GPC5: variants seen among roughly 807,000 people sequenced by gnomAD.
GPC5 encodes glypican-5.
A neutral mutation model predicts 53.9 loss-of-function variants in GPC5; 47 were observed. The ratio of observed to expected loss-of-function variants is 0.87; its 90% CI spans 0.69 to 1.11. The LOEUF (loss-of-function observed/expected upper bound fraction) is 1.11, where lower values mean the gene tolerates loss of function less well. Among genes scored for constraint, GPC5 ranks in the 50% most tolerant of loss-of-function variants. The pLI is 0.00. For synonymous variants in GPC5, 286 were observed against 263.3 expected (o/e 1.09, Z -0.84); for missense variants, 748 against 713.1 (o/e 1.05, Z -0.56).
chr13:91,607,125 C>T (rs2033395134), intron 2 of GPC5, among the ~76,000 whole-genome samples: 1 of 152,062 alleles, frequency 6.6e-6, no homozygotes, highest in Non-Finnish European at 1.5e-5. Flanking sequence ...GTTAAACCTT[C>T]TGAGGAAATA....
In GPC5 at chr13:91,571,354, AG is replaced by A. The variant is rs541779732; in HGVS notation, c.326-121829del. On this transcript the variant is annotated intron_variant, in intron 2 of 7. Coordinates refer to ENST00000377067, the MANE Select transcript of GPC5 (RefSeq NM_004466.6). Reference sequence around the variant, plus strand: ...TTTGTCCACTTGCTGAGAAATGGGAAGGGGAAAAGATCTGGTCATTAACAGA... The same window carrying A: ...TTTGTCCACTTGCTGAGAAATGGGAAGGGAAAAGATCTGGTCATTAACAGA... 1.2e-4 allele frequency among the ~76,000 whole-genome samples: 19 copies of A among 152,232 alleles called. No individual in the cohort carries two copies. The South Asian group carries it at 3.9e-3, about 32-fold the overall frequency.
At chr13:91,495,825 C>A (rs992751725) in intron 2 of GPC5, among the ~76,000 whole-genome samples, 6 of 152,140 alleles carry the variant, frequency 3.9e-5, no homozygotes, top group African/African-American at 9.7e-5. Flanking sequence ...GAGTTAGAGA[C>A]CAGCCTGACT....
chr13:92,243,876 G>A (rs978373034), intron 7 of GPC5, among the ~76,000 whole-genome samples: 3 of 152,092 alleles, frequency 2.0e-5, no homozygotes, highest in African/African-American at 7.2e-5. Context: ...ACCCTTTTTG[G>A]TACCTAAAAT....
chr13:92,633,285 G>C (rs549073253), intron 7 of GPC5, among the ~76,000 whole-genome samples: 1 of 152,180 alleles, frequency 6.6e-6, no homozygotes, highest in East Asian at 1.9e-4. Context: ...GATGGGTTTT[G>C]GGTGGAGACA....
At chr13:92,815,976 G>A (rs1212276554) in intron 7 of GPC5, among the ~76,000 whole-genome samples, 1 of 151,834 alleles carries the variant, frequency 6.6e-6, no homozygotes, top group East Asian at 1.9e-4. Context: ...TGAATAAACG[G>A]TGGGAAATAA....
At chr13:91,400,948 C>G (rs370567743) in intron 1 of GPC5, among the ~76,000 whole-genome samples, 3 of 152,130 alleles carry the variant, frequency 2.0e-5, no homozygotes, top group East Asian at 1.9e-4. Context: ...AGTTCCATGA[C>G]GACAAGGAAT....
intron 7 of GPC5, among the ~76,000 whole-genome samples, chr13:92,564,808 G>A (rs1481310963): frequency 6.6e-6 from 1 of 152,028 alleles, no homozygotes; most frequent in African/African-American, 2.4e-5. Context: ...AATTTGCTTA[G>A]GATAATGGCC....
chr13:91,420,738 G>A (rs1257588063), intron 1 of GPC5, among the ~76,000 whole-genome samples: 1 of 152,186 alleles, frequency 6.6e-6, no homozygotes, highest in Admixed American at 6.5e-5. Flanking sequence ...ATGCTATAGA[G>A]ATAGTGAGTG....
At chr13:92,527,432 A>G (rs1358768532) in intron 7 of GPC5, among the ~76,000 whole-genome samples, 1 of 152,102 alleles carries the variant, frequency 6.6e-6, no homozygotes, top group Non-Finnish European at 1.5e-5. Context: ...AAAACTGTCA[A>G]TCATGTTGGA....
chr13:92,787,667 CAAA>C (rs71202562), intron 7 of GPC5, among the ~76,000 whole-genome samples: 1 of 56,264 alleles, frequency 1.8e-5, no homozygotes, highest in Non-Finnish European at 3.3e-5. Flanking sequence ...CTCATAGCTA[CAAA>C]AAAAAAAAAA....
At chr13:92,450,814 C>T (rs1002271758) in intron 7 of GPC5, among the ~76,000 whole-genome samples, 2 of 152,132 alleles carry the variant, frequency 1.3e-5, no homozygotes, top group Non-Finnish European at 2.9e-5. Flanking sequence ...CCAGGACCAA[C>T]CTGTAGCGGT....
intron 7 of GPC5, among the ~76,000 whole-genome samples, chr13:92,701,222 A>G (rs1410309477): frequency 1.3e-5 from 2 of 152,128 alleles, no homozygotes; most frequent in Admixed American, 6.6e-5. Context: ...TGATGGCCAT[A>G]AAAGGAAATA....
At chr13:92,424,515 A>G (rs9561040) in intron 7 of GPC5, among the ~76,000 whole-genome samples, 43,608 of 151,872 alleles carry the variant, frequency 0.29, 7,264 homozygotes, top group East Asian at 0.61. Flanking sequence ...GGGTACACAG[A>G]CATTTTTTGT....
intron 2 of GPC5, among the ~76,000 whole-genome samples, chr13:91,537,672 G>A (rs536544546): frequency 5.3e-5 from 8 of 152,254 alleles, no homozygotes; most frequent in African/African-American, 1.7e-4. Flanking sequence ...CATTTGGTGA[G>A]GCCAATATTA....
At chr13:91,891,961 G>A (rs1320775306) in intron 5 of GPC5, among the ~76,000 whole-genome samples, 1 of 151,912 alleles carries the variant, frequency 6.6e-6, no homozygotes, top group Admixed American at 6.6e-5. Context: ...GAACAACTAT[G>A]GATAAAAATA....
intron 2 of GPC5, among the ~76,000 whole-genome samples, chr13:91,581,555 C>G (rs2032360727): frequency 6.6e-6 from 1 of 152,146 alleles, no homozygotes; most frequent in Non-Finnish European, 1.5e-5. Flanking sequence ...TGTGCCATAA[C>G]TAATCCCTGA....
intron 5 of GPC5, among the ~76,000 whole-genome samples, chr13:91,905,248 C>T (rs947525087): frequency 6.6e-6 from 1 of 151,970 alleles, no homozygotes. Context: ...AGGAATAACA[C>T]AGCAGTGCTA....
chr13:92,325,856 G>T (rs182047083), intron 7 of GPC5, among the ~76,000 whole-genome samples: 29 of 152,112 alleles, frequency 1.9e-4, no homozygotes, highest in Non-Finnish European at 4.0e-4. Context: ...TGGCACAGAG[G>T]GGGTGACGTT....
chr13:91,521,187 G>T (rs566440236), intron 2 of GPC5, among the ~76,000 whole-genome samples: 2 of 152,102 alleles, frequency 1.3e-5, no homozygotes, highest in Non-Finnish European at 2.9e-5. Context: ...GACAGAAGAG[G>T]TTTGCTTTCT....
Sources: allele counts gnomAD v4.1 joint callset (sites outside exome capture counted in the v4.1 genomes callset), GRCh38; gene constraint gnomAD v4.1.1; transcripts MANE v1.5; gene names NCBI Gene and HGNC (gene_info 2026-07-23, HGNC 2026-07-21).